Variants in TNNI3K observed in about 807,000 individuals in gnomAD.
TNNI3K encodes TNNI3 interacting kinase.
In TNNI3K, 140 loss-of-function variants were observed where a neutral mutation model predicts 114.5. The observed-to-expected ratio is 1.22, with a 90% CI of 1.07 to 1.41. TNNI3K has a LOEUF of 1.41. TNNI3K is among the 40% of genes most tolerant of loss of function. TNNI3K has a pLI of 0.00. For missense variants in TNNI3K, 1,125 were observed against 1,007.6 expected (o/e 1.12, Z -1.58); for synonymous variants, 347 against 347.5 (o/e 1.00, Z 0.02).
chr1:74,448,436 T>G (rs1666811630), intron 20 of TNNI3K, among the ~76,000 whole-genome samples: 1 of 146,902 alleles, frequency 6.8e-6, no homozygotes, highest in Non-Finnish European at 1.5e-5. Flanking sequence ...CCTCTTTTCC[T>G]AATTGAATAC....
chr1:74,314,651 A>C (rs569564), intron 5 of TNNI3K, among the ~76,000 whole-genome samples: 27,135 of 152,122 alleles, frequency 0.18, 2,506 homozygotes, highest in South Asian at 0.25. Flanking sequence ...ACTTGATGTC[A>C]TAAACACATT....
chr1:74,489,057 G>C (rs962181495), intron 21 of TNNI3K, 132 bp from the exon 22 acceptor site: 2 of 678,134 alleles, frequency 2.9e-6, no homozygotes, highest in African/African-American at 3.7e-5. Flanking sequence ...TTCAATAAAA[G>C]TGTATTTTAA....
At chr1:74,500,186 CTTCATCAAGATTTT>C (rs1391389926) in intron 23 of TNNI3K, among the ~76,000 whole-genome samples, 1 of 151,872 alleles carries the variant, frequency 6.6e-6, no homozygotes, top group East Asian at 1.9e-4. Flanking sequence ...AGTATTTTAT[CTTCATCAAGATTTT>C]ATAAATTCCA....
At chr1:74,349,737 A>C (rs1661225964) in intron 9 of TNNI3K, among the ~76,000 whole-genome samples, 3 of 152,176 alleles carry the variant, frequency 2.0e-5, no homozygotes, top group Admixed American at 1.3e-4. Context: ...CATTTCTTCT[A>C]GATTTTCTAG....
chr1:74,272,998 AT>A (rs1321630040), intron 5 of TNNI3K, among the ~76,000 whole-genome samples: 1 of 1,090 alleles, frequency 9.2e-4, no homozygotes, highest in Admixed American at 0.024. Flanking sequence ...TTAAATAGTT[AT>A]GTTCCCCCTT....
chr1:74,410,654 T>C (rs1475056906), intron 17 of TNNI3K, among the ~76,000 whole-genome samples: 3 of 152,238 alleles, frequency 2.0e-5, no homozygotes, highest in African/African-American at 7.2e-5. Context: ...GATAGAAACT[T>C]GGCATCTAAG....
At chr1:74,488,844 A>G (rs541430269) in intron 21 of TNNI3K, among the ~76,000 whole-genome samples, 2 of 152,324 alleles carry the variant, frequency 1.3e-5, no homozygotes, top group East Asian at 3.9e-4. Context: ...ATTACAAGGC[A>G]CTGAGATAGT....
At chr1:74,385,904 C>G (rs1401752956) in intron 17 of TNNI3K, among the ~76,000 whole-genome samples, 1 of 152,214 alleles carries the variant, frequency 6.6e-6, no homozygotes, top group African/African-American at 2.4e-5. Context: ...TCTGATATGG[C>G]TTGGTTGTGT....
chr1:74,491,154 C>T (rs1171797533), intron 22 of TNNI3K, among the ~76,000 whole-genome samples: 1 of 152,062 alleles, frequency 6.6e-6, no homozygotes, highest in Admixed American at 6.6e-5. Context: ...AACATGAAAA[C>T]CGGTTGAAGG....
chr1:74,369,154 T>C (rs201531892), intron 14 of TNNI3K, 40 bp downstream of exon 14: 1 of 1,599,622 alleles, frequency 6.3e-7, no homozygotes, highest in East Asian at 2.2e-5. Flanking sequence ...TCCGGTTTAG[T>C]TGAATGAGCT....
At chr1:74,314,180 A>G (rs912120865) in intron 5 of TNNI3K, among the ~76,000 whole-genome samples, 4 of 148,660 alleles carry the variant, frequency 2.7e-5, no homozygotes, top group African/African-American at 9.8e-5. Flanking sequence ...ATATATATTT[A>G]ACTTTTATTT....
At chr1:74,369,893 A>G (rs1439792433) in intron 16 of TNNI3K, 1 of 280,104 alleles carries the variant, frequency 3.6e-6, no homozygotes, top group Non-Finnish European at 6.5e-6. Flanking sequence ...ATGTAAGCTC[A>G]GAATAAAATA....
chr1:74,510,768 A>C (rs1264088942), intron 23 of TNNI3K, among the ~76,000 whole-genome samples: 1 of 152,230 alleles, frequency 6.6e-6, no homozygotes, highest in Non-Finnish European at 1.5e-5. Flanking sequence ...CAACTAGCTC[A>C]CAAATGTGTG....
At chr1:74,372,998 A>G (rs1404421767) in intron 17 of TNNI3K, 1 of 151,810 alleles carries the variant, frequency 6.6e-6, no homozygotes, top group Non-Finnish European at 1.5e-5. Context: ...GTCCCAAACT[A>G]TTGTATCAAT....
At position 74,544,014 on chromosome 1, in the gene TNNI3K, T is replaced by C. The variant is rs1349978882; in HGVS notation, c.*32T>C. The stretch of plus-strand genomic sequence containing the variant: ...TCGGCGTATACCTAAGGAGAGTTTT[T>C]TCCCCGAACTGACAGCAACGATTCC... On this transcript the variant is annotated 3_prime_UTR_variant, in exon 25 of 25. Coordinates refer to ENST00000326637, the MANE Select transcript of TNNI3K (RefSeq NM_015978.3). 6.3e-7 allele frequency: 1 copy of C among 1,597,436 alleles called. No homozygotes were observed. Among genetic ancestry groups the C allele is most frequent in the Non-Finnish European group, 8.5e-7 (1 of 1,173,176 alleles).
chr1:74,261,943 T>G (rs1655699263), intron 4 of TNNI3K, among the ~76,000 whole-genome samples: 1 of 152,146 alleles, frequency 6.6e-6, no homozygotes, highest in Admixed American at 6.6e-5. Context: ...CTATGTTGCC[T>G]GGCTTACCAG....
At chr1:74,268,592 A>G (rs1656156603) in intron 4 of TNNI3K, among the ~76,000 whole-genome samples, 2 of 149,460 alleles carry the variant, frequency 1.3e-5, no homozygotes, top group African/African-American at 4.9e-5. Context: ...TCAATATTTT[A>G]TTTGGAAGGT....
At chr1:74,403,408 T>C (rs529702495) in intron 17 of TNNI3K, among the ~76,000 whole-genome samples, 2 of 152,272 alleles carry the variant, frequency 1.3e-5, no homozygotes, top group East Asian at 3.9e-4. Context: ...GTTCCAAATT[T>C]TCTAGTTCTG....
chr1:74,524,766 AAATG>A (rs1307004266), intron 23 of TNNI3K, among the ~76,000 whole-genome samples: 183 of 152,014 alleles, frequency 1.2e-3, no homozygotes, highest in Middle Eastern at 6.8e-3. Flanking sequence ...TAAAAAAAAA[AAATG>A]AAAAAGAAAG....
Sources: gnomAD v4.1 joint callset for allele counts (sites outside exome capture counted in the v4.1 genomes callset) on GRCh38, gnomAD v4.1.1 for gene constraint, MANE v1.5 for transcripts, NCBI Gene and HGNC (gene_info 2026-07-23, HGNC 2026-07-21) for gene names.